The following SUPT3H variants were observed in gnomAD, a reference collection of about 807,000 sequenced individuals.
SUPT3H encodes transcription initiation protein SPT3 homolog.
Under a neutral mutation model 44.3 loss-of-function variants are expected in SUPT3H, and 44 were observed. The observed-to-expected ratio is 0.99, with a 90% CI of 0.78 to 1.28. The LOEUF is 1.28. SUPT3H is among the 50% of genes most tolerant of loss of function. The pLI, the probability that SUPT3H is intolerant of heterozygous loss-of-function variation, is 0.00. For synonymous variants in SUPT3H, 124 were observed against 125.6 expected, an observed-to-expected ratio of 0.99 and a Z score of 0.09; for missense variants, 380 against 387.1, an observed-to-expected ratio of 0.98 and a Z score of 0.15.
chr6:44,992,352 G>A (rs1016999239), intron 6 of SUPT3H, among the ~76,000 whole-genome samples: 11 of 152,136 alleles, frequency 7.2e-5, no homozygotes, highest in Non-Finnish European at 1.3e-4. Context: ...AAAAACAGCA[G>A]CCCGGTAAGG....
In SUPT3H at chr6:45,003,777, C is replaced by T; in HGVS notation, c.380G>A (p.Ser127Asn). The T allele has an allele frequency of 1.9e-6, 3 of 1,613,574 alleles. No homozygotes were observed. The highest frequency in any genetic ancestry group is 2.2e-5 in the East Asian group (1 of 44,828). The change falls in exon 6 of 11, where the codon AGC becomes AAC. Residue 127 changes from serine to asparagine, a missense_variant. Transcript: ENST00000371459. ...DDLLEDKLSG[S>N]NNANKRQKIA... Reference sequence around the variant, plus strand: ...CTTTTGTCTTTTGTTCGCATTATTGCTGCCACTCAATTTGTCTTCATGAAG... The same window carrying T: ...CTTTTGTCTTTTGTTCGCATTATTGTTGCCACTCAATTTGTCTTCATGAAG...
At chr6:45,253,453 A>C (rs1772738026) in intron 2 of SUPT3H, among the ~76,000 whole-genome samples, 1 of 152,082 alleles carries the variant, frequency 6.6e-6, no homozygotes, top group Admixed American at 6.5e-5. Context: ...ATTGTAATTG[A>C]TCCACTTCTC....
intron 3 of SUPT3H, among the ~76,000 whole-genome samples, chr6:45,085,032 G>A (rs1487700232): frequency 2.0e-5 from 3 of 151,858 alleles, no homozygotes; most frequent in Non-Finnish European, 4.4e-5. Context: ...CCTGGGGGAT[G>A]GGATCCTTCA....
chr6:45,131,776 A>G (rs1171491692), intron 2 of SUPT3H, among the ~76,000 whole-genome samples: 5 of 152,224 alleles, frequency 3.3e-5, no homozygotes, highest in Non-Finnish European at 7.3e-5. Context: ...AATAGAGAAA[A>G]ACAGGTGAAT....
At chr6:44,895,771 C>T (rs1764032799) in intron 10 of SUPT3H, among the ~76,000 whole-genome samples, 2 of 151,900 alleles carry the variant, frequency 1.3e-5, no homozygotes, top group Non-Finnish European at 2.9e-5. Flanking sequence ...GAACAAAGAG[C>T]CGATTTCAAA....
intron 2 of SUPT3H, among the ~76,000 whole-genome samples, chr6:45,118,530 T>C (rs1175046221): frequency 6.6e-6 from 1 of 152,130 alleles, no homozygotes; most frequent in East Asian, 1.9e-4. Context: ...TTTCTAGCCA[T>C]GCACCATTTG....
At chr6:45,021,684 T>C (rs1424776686) in intron 3 of SUPT3H, among the ~76,000 whole-genome samples, 1 of 152,010 alleles carries the variant, frequency 6.6e-6, no homozygotes, top group African/African-American at 2.4e-5. Flanking sequence ...TGACACACTA[T>C]TATCTCAACA....
intron 2 of SUPT3H, among the ~76,000 whole-genome samples, chr6:45,348,359 A>G (rs892467599): frequency 6.6e-6 from 1 of 151,648 alleles, no homozygotes; most frequent in East Asian, 1.9e-4. Context: ...TCGTCTCCTC[A>G]TTTTCTTAAT....
chr6:44,996,823 G>A (rs1386825128), intron 6 of SUPT3H, among the ~76,000 whole-genome samples: 1 of 151,644 alleles, frequency 6.6e-6, no homozygotes, highest in Admixed American at 6.6e-5. Flanking sequence ...TAATATTCTG[G>A]AATGTATTTT....
chr6:45,293,864 A>G (rs1780694621), intron 2 of SUPT3H, among the ~76,000 whole-genome samples: 1 of 152,138 alleles, frequency 6.6e-6, no homozygotes, highest in African/African-American at 2.4e-5. Flanking sequence ...TATCAAAAAA[A>G]AAGTCCAGGA....
At chr6:45,354,618 T>G (rs1792765326) in intron 2 of SUPT3H, among the ~76,000 whole-genome samples, 1 of 115,920 alleles carries the variant, frequency 8.6e-6, no homozygotes, top group South Asian at 2.6e-4. Flanking sequence ...ACTACACAAA[T>G]GCACGCACAC....
At chr6:45,237,706 G>C (rs1769458825) in intron 2 of SUPT3H, among the ~76,000 whole-genome samples, 1 of 152,146 alleles carries the variant, frequency 6.6e-6, no homozygotes, top group Admixed American at 6.5e-5. Flanking sequence ...TGGCTGCTAA[G>C]TAAAGAGAAA....
At chr6:45,314,898 C>A (rs1784468774) in intron 2 of SUPT3H, among the ~76,000 whole-genome samples, 1 of 152,052 alleles carries the variant, frequency 6.6e-6, no homozygotes, top group South Asian at 2.1e-4. Flanking sequence ...TACTATGAGG[C>A]CATAGTCACC....
At chr6:45,287,166 C>T (rs1018007921) in intron 2 of SUPT3H, among the ~76,000 whole-genome samples, 3 of 151,814 alleles carry the variant, frequency 2.0e-5, no homozygotes, top group African/African-American at 7.3e-5. Flanking sequence ...TGGTGCAGCA[C>T]ACCAACATGG....
chr6:45,328,482 T>A, intron 2 of SUPT3H: 1 of 1,497,216 alleles, frequency 6.7e-7, no homozygotes, highest in Non-Finnish European at 9.0e-7. Flanking sequence ...CTAACCACAG[T>A]CTATGCAGTA....
intron 10 of SUPT3H, among the ~76,000 whole-genome samples, chr6:44,887,395 G>T (rs953258731): frequency 6.6e-6 from 1 of 152,086 alleles, no homozygotes; most frequent in African/African-American, 2.4e-5. Context: ...AAATGTAAAA[G>T]AACAGAAATT....
intron 3 of SUPT3H, among the ~76,000 whole-genome samples, chr6:45,101,734 T>G (rs534346223): frequency 6.6e-6 from 1 of 152,188 alleles, no homozygotes; most frequent in Non-Finnish European, 1.5e-5. Context: ...TGTATACATG[T>G]GTCAAAATAA....
chr6:45,162,900 C>T (rs1034672351), intron 2 of SUPT3H, among the ~76,000 whole-genome samples: 1 of 152,128 alleles, frequency 6.6e-6, no homozygotes, highest in African/African-American at 2.4e-5. Context: ...ATTATTTGAT[C>T]ACTCAAGAAG....
At chr6:44,944,420 C>T (rs746567870) in intron 9 of SUPT3H, among the ~76,000 whole-genome samples, 5 of 151,920 alleles carry the variant, frequency 3.3e-5, no homozygotes, top group South Asian at 4.1e-4. Flanking sequence ...TATCTGACCA[C>T]GTGACTTAAT....
Sources: gnomAD v4.1 joint callset for allele counts (sites outside exome capture counted in the v4.1 genomes callset) on GRCh38, gnomAD v4.1.1 for gene constraint, MANE v1.5 for transcripts, NCBI Gene and HGNC (gene_info 2026-07-23, HGNC 2026-07-21) for gene names.